The following RBFOX1 variants were observed in gnomAD, a reference collection of about 807,000 sequenced individuals.
The protein encoded by RBFOX1 is RNA binding protein fox-1 homolog 1.
RBFOX1 carries 8 observed loss-of-function variants against 57.7 expected under a neutral mutation model. That is an observed-to-expected ratio of 0.14 (90% confidence interval 0.08 to 0.25). RBFOX1 has a LOEUF of 0.25. Ranked by LOEUF, RBFOX1 falls within the 10% of genes least tolerant of loss-of-function variation. The probability of loss-of-function intolerance (pLI) is 1.00; values close to 1 mark genes in which losing one functional copy is unlikely to be tolerated. For synonymous variants in RBFOX1, 326 were observed against 222.4 expected, an observed-to-expected ratio of 1.47 and a Z score of -4.15; for missense variants, 611 against 548.5, an observed-to-expected ratio of 1.11 and a Z score of -1.14.
chr16:5,817,780 G>C (rs73512600), intron 3 of RBFOX1, among the ~76,000 whole-genome samples: 1 of 150,192 alleles, frequency 6.7e-6, no homozygotes, highest in East Asian at 2.0e-4. Context: ...CTGCAGCTCC[G>C]ACTCCCGGGT....
chr16:7,111,814 G>T (rs1032156538), intron 4 of RBFOX1, among the ~76,000 whole-genome samples: 1 of 151,836 alleles, frequency 6.6e-6, no homozygotes, highest in Non-Finnish European at 1.5e-5. Flanking sequence ...TTCCCCCAAA[G>T]GAGAGAAGTA....
At chr16:5,424,481 CA>C (rs1475327329) in intron 1 of RBFOX1, among the ~76,000 whole-genome samples, 6 of 151,764 alleles carry the variant, frequency 4.0e-5, no homozygotes, top group African/African-American at 1.5e-4. Flanking sequence ...AAAGATAGGC[CA>C]GGGGCCCAGC....
intron 2 of RBFOX1, among the ~76,000 whole-genome samples, chr16:5,549,889 T>A (rs1272881641): frequency 1.3e-5 from 2 of 152,148 alleles, no homozygotes; most frequent in African/African-American, 4.8e-5. Context: ...CAGGTGTGGA[T>A]GAGTGTGGCT....
intron 2 of RBFOX1, among the ~76,000 whole-genome samples, chr16:6,537,485 T>G (rs566329968): frequency 3.1e-4 from 47 of 152,062 alleles, no homozygotes; most frequent in African/African-American, 9.2e-4. Context: ...CATGACAGAG[T>G]TGAGGGGCTA....
At chr16:5,490,597 G>T (rs963142504) in intron 2 of RBFOX1, among the ~76,000 whole-genome samples, 1 of 152,166 alleles carries the variant, frequency 6.6e-6, no homozygotes, top group African/African-American at 2.4e-5. Flanking sequence ...GGGTGAGGGG[G>T]TGATGAGTGT....
chr16:7,322,052 TC>T (rs1784603621), intron 4 of RBFOX1, among the ~76,000 whole-genome samples: 1 of 152,250 alleles, frequency 6.6e-6, no homozygotes, highest in Admixed American at 6.5e-5. Context: ...ATCTGCTACC[TC>T]CTTTTCTCCT....
rs542285580 is a variant in RBFOX1 at position 6,958,916 on chromosome 16, G to T, written c.-15-93141G>T. 3.9e-5 allele frequency among the ~76,000 whole-genome samples: 6 copies of T among 152,128 alleles called. No homozygotes were observed. The South Asian group carries it at 1.2e-3, about 32-fold the overall frequency. ...ATACAGGTAAAATTAATGACAAGGC[G>T]TATTCTCCATCCTGACATAGGCAGC... On this transcript the variant is annotated intron_variant, in intron 3 of 15. Transcript: ENST00000550418.
At chr16:7,295,146 T>C (rs1261065966) in intron 4 of RBFOX1, among the ~76,000 whole-genome samples, 1 of 152,194 alleles carries the variant, frequency 6.6e-6, no homozygotes, top group Non-Finnish European at 1.5e-5. Context: ...TGACAAGGGT[T>C]AATGTGTAAG....
rs1437148461 is a variant in RBFOX1 at position 6,747,436 on chromosome 16, C to T, written c.-16+92786C>T. ...AGAAAAAAAAAATCTATCAGTCAGT[C>T]AGTCAGTTAGTCTGTCTGTCTGTCT... On this transcript the variant is annotated intron_variant, in intron 3 of 15. Coordinates refer to ENST00000550418, the MANE Select transcript of RBFOX1 (RefSeq NM_018723.4). 2.4e-5 allele frequency among the ~76,000 whole-genome samples: 3 copies of T among 125,868 alleles called. No individual in the cohort carries two copies. The East Asian group carries it at 7.4e-4, about 31-fold the overall frequency. The allele number at this position is 125,868 out of a possible 152,430, so 82.6% of individuals were successfully genotyped here.
At chr16:6,365,626 A>G (rs534664515) in intron 2 of RBFOX1, among the ~76,000 whole-genome samples, 9 of 152,288 alleles carry the variant, frequency 5.9e-5, no homozygotes, top group African/African-American at 2.2e-4. Flanking sequence ...GACCATAAGG[A>G]TGAGACCACT....
intron 1 of RBFOX1, among the ~76,000 whole-genome samples, chr16:6,098,138 C>T (rs1256561158): frequency 1.3e-5 from 2 of 151,684 alleles, no homozygotes; most frequent in East Asian, 2.0e-4. Context: ...TGCTACCCTT[C>T]GTTGCCTGGA....
At chr16:6,114,447 T>A (rs1018383174) in intron 1 of RBFOX1, among the ~76,000 whole-genome samples, 5 of 152,242 alleles carry the variant, frequency 3.3e-5, no homozygotes, top group African/African-American at 1.2e-4. Context: ...ACGTAGCTTT[T>A]TGGATCTCAT....
At chr16:6,866,593 G>A (rs2059965217) in intron 3 of RBFOX1, among the ~76,000 whole-genome samples, 1 of 115,686 alleles carries the variant, frequency 8.6e-6, no homozygotes, top group Non-Finnish European at 1.6e-5. Context: ...CCAGGCTGGA[G>A]TGCAGTGGTG....
In RBFOX1 at chr16:6,247,598, A is replaced by G. The variant is rs117267076; in HGVS notation, c.-126-69397A>G. Among the ~76,000 whole-genome samples, 1,380 of 152,292 alleles carry G rather than the reference A, an allele frequency of 9.1e-3. 10 individuals carry two copies. The highest frequency in any genetic ancestry group is 0.02 in the Middle Eastern group (6 of 294). The stretch of plus-strand genomic sequence containing the variant: ...CTTTGTGCAAGAATTACTTTATTTT[A>G]TCTGCAAAACAACCCTACAGGAGTC... On this transcript the variant is annotated intron_variant, in intron 1 of 15. Coordinates refer to ENST00000550418, the MANE Select transcript of RBFOX1 (RefSeq NM_018723.4).
chr16:6,401,936 A>G (rs1449355697), intron 2 of RBFOX1, among the ~76,000 whole-genome samples: 2 of 152,074 alleles, frequency 1.3e-5, no homozygotes, highest in East Asian at 3.9e-4. Flanking sequence ...TGAGAGAAGA[A>G]AATACCCAGG....
intron 3 of RBFOX1, among the ~76,000 whole-genome samples, chr16:6,849,800 C>A (rs1329270036): frequency 6.6e-6 from 1 of 152,218 alleles, no homozygotes; most frequent in African/African-American, 2.4e-5. Context: ...ACCTTGATTT[C>A]TACCCACTGA....
intron 5 of RBFOX1, among the ~76,000 whole-genome samples, chr16:7,561,208 T>C (rs1267147264): frequency 2.6e-5 from 4 of 152,260 alleles, no homozygotes; most frequent in Non-Finnish European, 5.9e-5. Context: ...TCTCTGCTTT[T>C]ACAAATAAAG....
intron 1 of RBFOX1, among the ~76,000 whole-genome samples, chr16:6,306,845 A>G (rs1478637240): frequency 1.3e-5 from 2 of 151,680 alleles, no homozygotes; most frequent in East Asian, 1.9e-4. Context: ...AATGTCACAG[A>G]CCCCCCAAAA....
chr16:7,312,556 T>A (rs1413084017), intron 4 of RBFOX1, among the ~76,000 whole-genome samples: 1 of 152,098 alleles, frequency 6.6e-6, no homozygotes, highest in East Asian at 1.9e-4. Context: ...TCACTCCGGG[T>A]CTTCTTGGTT....
Sources: gnomAD v4.1 joint callset for allele counts (sites outside exome capture counted in the v4.1 genomes callset) on GRCh38, gnomAD v4.1.1 for gene constraint, MANE v1.5 for transcripts, NCBI Gene and HGNC (gene_info 2026-07-23, HGNC 2026-07-21) for gene names.